JAKMIP3: variants seen among roughly 807,000 people sequenced by gnomAD.
The protein encoded by JAKMIP3 is Janus kinase and microtubule interacting protein 3.
In JAKMIP3, 58 loss-of-function variants were observed where a neutral mutation model predicts 118.5. The ratio of observed to expected loss-of-function variants is 0.49; its 90% CI spans 0.40 to 0.61. JAKMIP3 has a LOEUF of 0.61. Among genes scored for constraint, JAKMIP3 ranks in the 20% least tolerant of loss-of-function variants. JAKMIP3 has a pLI of 0.00. For synonymous variants in JAKMIP3, 486 were observed against 451.2 expected (o/e 1.08, Z -0.98); for missense variants, 950 against 1,109.0 (o/e 0.86, Z 2.04).
At chr10:132,096,259 G>A (rs750230460) in intron 1 of JAKMIP3, among the ~76,000 whole-genome samples, 1 of 152,210 alleles carries the variant, frequency 6.6e-6, no homozygotes, top group Non-Finnish European at 1.5e-5. Context: ...AACATAACAT[G>A]CTCAGTGGTT....
At chr10:132,158,508 T>C (rs2057358496) in intron 19 of JAKMIP3, among the ~76,000 whole-genome samples, 1 of 152,216 alleles carries the variant, frequency 6.6e-6, no homozygotes. Flanking sequence ...GGCCAACTGC[T>C]CAGGGGATCA....
chr10:132,147,043 C>T (rs2054755286), intron 13 of JAKMIP3, among the ~76,000 whole-genome samples: 1 of 152,250 alleles, frequency 6.6e-6, no homozygotes, highest in Admixed American at 6.5e-5. Flanking sequence ...AATGCTTGTG[C>T]ACGTACACAC....
intron 19 of JAKMIP3, among the ~76,000 whole-genome samples, chr10:132,158,444 A>G (rs909780448): frequency 3.9e-5 from 6 of 152,212 alleles, no homozygotes; most frequent in Non-Finnish European, 7.3e-5. Context: ...GCTTTCTGTG[A>G]GGCCACCTCT....
chr10:132,104,654 G>C lies in JAKMIP3; in HGVS notation c.-137-18G>C. 1 of 759,822 alleles carries C rather than the reference G, an allele frequency of 1.3e-6. No individual in the cohort carries two copies. Among genetic ancestry groups the C allele is most frequent in the African/African-American group, 1.7e-5 (1 of 57,188 alleles). The allele number at this position is 759,822 out of a possible 1,614,324, so 47.1% of individuals were successfully genotyped here. ...GCTCCGGAGGGAGCTGCTCACCGCGGTGTGCTTTCCCCTCCAGGTGAATGA... is the reference window on the plus strand; with the variant it reads ...GCTCCGGAGGGAGCTGCTCACCGCGCTGTGCTTTCCCCTCCAGGTGAATGA... On this transcript the variant is annotated intron_variant, in intron 1 of 23. Transcript: ENST00000684848.
At position 132,149,400 on chromosome 10, in the gene JAKMIP3, C is replaced by T. The variant is rs868048331; in HGVS notation, c.1849-12C>T. The T allele has an allele frequency of 5.1e-6, 8 of 1,575,768 alleles. No homozygotes were observed. The highest frequency in any genetic ancestry group is 3.3e-4 in the Middle Eastern group (2 of 6,010). On this transcript the variant is annotated splice_polypyrimidine_tract_variant and intron_variant, in intron 14 of 23. Coordinates refer to ENST00000684848, the MANE Select transcript of JAKMIP3 (RefSeq NM_001323087.2). ...GAGGGGAGCGGCTCACCCTTCTGTC[C>T]CTCTGTCCTAGGAGAGGGAGAGGAA...
chr10:132,147,923 C>T (rs767659941), intron 13 of JAKMIP3, 29 bp from the exon 14 acceptor site: 11 of 1,486,258 alleles, frequency 7.4e-6, no homozygotes, highest in Non-Finnish European at 1.0e-5. Flanking sequence ...GAACCAGACC[C>T]CTCACCTCAT....
chr10:132,159,496 CCCTGTGTGATGCTGGGGGTGTGTCTT>C lies in JAKMIP3; in HGVS notation c.2221-3696_2221-3671del, dbSNP rs1360003740. Among the ~76,000 whole-genome samples the C allele has an allele frequency of 8.3e-5, 11 of 132,256 alleles. No homozygotes were observed. The South Asian group carries it at 1.7e-3, about 21-fold the overall frequency. The allele number at this position is 132,256 out of a possible 152,430, so 86.8% of individuals were successfully genotyped here. ...CCTGTGTAATGCTGGAGGAGGCTCT[CCCTGTGTGATGCTGGGGGTGTGTCTT>C]CCTGTGTGATGCTGGGAGGGTCTCT... On this transcript the variant is annotated intron_variant, in intron 19 of 23. Coordinates refer to ENST00000684848, the MANE Select transcript of JAKMIP3 (RefSeq NM_001323087.2).
chr10:132,167,856 ACCCCTCGGCCCTCGCCCCTCG>A (rs1204218571), intron 22 of JAKMIP3, 76 bp from the exon 23 acceptor site: 25 of 338,464 alleles, frequency 7.4e-5, no homozygotes, highest in African/African-American at 1.8e-4. Flanking sequence ...CTCGCCCCTC[ACCCCTCGGCCCTCGCCCCTCG>A]CCCCTCGGCC....
At chr10:132,043,585 T>C (rs1294411420) in intron 1 of JAKMIP3, among the ~76,000 whole-genome samples, 1 of 152,242 alleles carries the variant, frequency 6.6e-6, no homozygotes, top group Non-Finnish European at 1.5e-5. Flanking sequence ...CTAGTCAGGA[T>C]TCCAGCAAAG....
At chr10:132,134,309 C>A (rs1451444352) in intron 4 of JAKMIP3, among the ~76,000 whole-genome samples, 3 of 152,184 alleles carry the variant, frequency 2.0e-5, no homozygotes, top group Non-Finnish European at 4.4e-5. Context: ...TGTGTGTGAG[C>A]TGAGCCGGTC....
Position 132,140,494 on chromosome 10 carries a change from C to A in JAKMIP3, c.1388C>A (p.Ser463Tyr), listed in dbSNP as rs2053273814. ...ETFFGYDEEA[S>Y]LESDGSSVSY... ...TTCTTTGGATACGACGAAGAGGCTT[C>A]CCTGGAATCCGACGGCTCCTCCGTC... is the stretch of plus-strand genomic sequence containing the variant. Residue 463 changes from serine (S) to tyrosine (Y), a missense_variant, in exon 10 of 24, where the codon TCC becomes TAC. By Grantham distance (144) the Ser-to-Tyr change is moderately radical. Coordinates refer to ENST00000684848, the MANE Select transcript of JAKMIP3 (RefSeq NM_001323087.2). The A allele has an allele frequency of 1.9e-6, 3 of 1,613,746 alleles. No homozygotes were observed. The highest frequency in any genetic ancestry group is 1.3e-5 in the African/African-American group (1 of 74,940).
rs1196535542 is a variant in JAKMIP3, at chr10:132,160,063, CT to C, written c.2221-3144del. ...TCCTGTGTGATGCAGGCGGTGGCCT[CT>C]TCCTGTGTGATGCTGGGGGGGTCTC... is the stretch of plus-strand genomic sequence containing the variant. On this transcript the variant is annotated intron_variant, in intron 19 of 23. Transcript: ENST00000684848. Among the ~76,000 whole-genome samples, 96 of 5,520 alleles carry C rather than the reference CT, an allele frequency of 0.017. 13 individuals are homozygous for C. In the East Asian group the frequency reaches 0.41, roughly 24 times the overall value. The allele number at this position is 5,520 out of a possible 152,430, so 3.6% of individuals were successfully genotyped here. A position where few individuals can be genotyped will look rare whatever the true frequency, so the allele number is the denominator to read the frequency against.
intron 1 of JAKMIP3, among the ~76,000 whole-genome samples, chr10:132,040,578 C>T (rs1421845790): frequency 6.6e-6 from 1 of 151,068 alleles, no homozygotes; most frequent in Non-Finnish European, 1.5e-5. Flanking sequence ...TTAATCAGTT[C>T]CTTATAAAGT....
chr10:132,074,358 T>G (rs748428854), intron 1 of JAKMIP3, among the ~76,000 whole-genome samples: 6 of 152,212 alleles, frequency 3.9e-5, no homozygotes, highest in African/African-American at 1.4e-4. Flanking sequence ...GGCCCCATTT[T>G]TTGACTTTTT....
chr10:132,080,645 C>G (rs548575479), intron 1 of JAKMIP3, among the ~76,000 whole-genome samples: 260 of 150,174 alleles, frequency 1.7e-3, no homozygotes, highest in Non-Finnish European at 3.0e-3. Flanking sequence ...TCTCAGCCTT[C>G]TGAGTAGCTA....
At chr10:132,048,770 G>A (rs1197937609) in intron 1 of JAKMIP3, among the ~76,000 whole-genome samples, 2 of 147,576 alleles carry the variant, frequency 1.4e-5, no homozygotes, top group Non-Finnish European at 3.0e-5. Context: ...CTGAGTAGCT[G>A]GAACTACAGG....
chr10:132,065,075 G>A (rs1407857149), upstream of JAKMIP3, among the ~76,000 whole-genome samples: 1 of 152,152 alleles, frequency 6.6e-6, no homozygotes, highest in Non-Finnish European at 1.5e-5. This position sits in a 1 kb window ranked among gnomAD's most constrained non-coding sequence, Gnocchi z 5.6. Flanking sequence ...TGCAGTCTCA[G>A]CGCAGGCCCT....
Position 132,168,011 on chromosome 10 carries a change from G to T in JAKMIP3, c.*81G>T. ...GGACCAGAAAGCAGGGACAAAATGG[G>T]ACGTCGCGTCTCCATCCTGAAGACC... On this transcript the variant is annotated 3_prime_UTR_variant, in exon 23 of 24. Transcript: ENST00000684848. 7.8e-7 allele frequency: 1 copy of T among 1,289,636 alleles called. No homozygotes were observed. The highest frequency in any genetic ancestry group is 1.0e-6 in the Non-Finnish European group (1 of 988,862). 79.9% of individuals were successfully genotyped at this position (1,289,636 alleles called of 1,614,324 possible).
Position 132,136,925 on chromosome 10 carries a change from C to T in JAKMIP3, c.1117-94C>T, listed in dbSNP as rs1457905133. 2.1e-5 allele frequency: 30 copies of T among 1,410,548 alleles called. 1 individual carries two copies. The highest frequency in any genetic ancestry group is 1.7e-4 in the African/African-American group (12 of 70,050). The allele number at this position is 1,410,548 out of a possible 1,614,324, so 87.4% of individuals were successfully genotyped here. A position where few individuals can be genotyped will look rare whatever the true frequency, so the allele number is the denominator to read the frequency against. ...CAGCCGGGCAGCTGAGAGTGGCAGC[C>T]CGGGTTGAGGGAGAAGACCCCCCCG... On this transcript the variant is annotated intron_variant, in intron 6 of 23. Coordinates refer to ENST00000684848, the MANE Select transcript of JAKMIP3 (RefSeq NM_001323087.2).
Sources: allele counts gnomAD v4.1 joint callset (sites outside exome capture counted in the v4.1 genomes callset), GRCh38; gene constraint gnomAD v4.1.1; non-coding constraint Gnocchi (gnomAD v3.1); transcripts MANE v1.5; gene names NCBI Gene and HGNC (gene_info 2026-07-23, HGNC 2026-07-21).